Variants in ARHGEF38 observed in about 807,000 individuals in gnomAD.
ARHGEF38 encodes the protein Rho guanine nucleotide exchange factor (GEF) 38.
Under a neutral mutation model 79.9 loss-of-function variants are expected in ARHGEF38, and 79 were observed. That is an observed-to-expected ratio of 0.99 (90% confidence interval 0.82 to 1.19). The LOEUF (loss-of-function observed/expected upper bound fraction) is 1.19, where lower values mean the gene tolerates loss of function less well. Among genes scored for constraint, ARHGEF38 ranks in the 50% most tolerant of loss-of-function variants. ARHGEF38 has a pLI of 0.00. For missense variants in ARHGEF38, 962 were observed against 907.2 expected (o/e 1.06, Z -0.78); for synonymous variants, 366 against 328.3 (o/e 1.11, Z -1.24).
chr4:105,642,188 T>C (rs1729646243), intron 5 of ARHGEF38, among the ~76,000 whole-genome samples: 1 of 152,078 alleles, frequency 6.6e-6, no homozygotes, highest in Non-Finnish European at 1.5e-5. Context: ...GCATGGAGTA[T>C]TATTATCTTA....
intron 1 of ARHGEF38, among the ~76,000 whole-genome samples, chr4:105,563,687 T>A (rs1162317045): frequency 6.6e-6 from 1 of 152,146 alleles, no homozygotes; most frequent in African/African-American, 2.4e-5. Context: ...TAGTAGTACC[T>A]GTTTTATGGT....
chr4:105,578,355 T>C (rs748432243), intron 1 of ARHGEF38, among the ~76,000 whole-genome samples: 1 of 152,212 alleles, frequency 6.6e-6, no homozygotes, highest in Non-Finnish European at 1.5e-5. Context: ...ATGGTCTGTC[T>C]TGGAGGATGT....
intron 1 of ARHGEF38, among the ~76,000 whole-genome samples, chr4:105,571,516 T>A (rs1047079797): frequency 2.6e-5 from 4 of 151,924 alleles, no homozygotes; most frequent in Admixed American, 2.6e-4. Flanking sequence ...TAAAGACGGG[T>A]TTCACTGTGT....
intron 5 of ARHGEF38, among the ~76,000 whole-genome samples, chr4:105,637,822 C>A (rs1021309896): frequency 6.6e-6 from 1 of 152,160 alleles, no homozygotes; most frequent in African/African-American, 2.4e-5. Context: ...AATACTTAAA[C>A]AGTTCATTGT....
At chr4:105,641,669 T>A (rs973773159) in intron 5 of ARHGEF38, among the ~76,000 whole-genome samples, 4 of 152,036 alleles carry the variant, frequency 2.6e-5, no homozygotes, top group Admixed American at 1.3e-4. Context: ...TTCTTTTTTT[T>A]ATGTATTTTT....
intron 3 of ARHGEF38, among the ~76,000 whole-genome samples, chr4:105,623,720 T>C (rs1352384468): frequency 6.6e-6 from 1 of 152,198 alleles, no homozygotes; most frequent in Non-Finnish European, 1.5e-5. Context: ...ATCTATTCCA[T>C]TACTGAGACA....
intron 2 of ARHGEF38, among the ~76,000 whole-genome samples, chr4:105,600,744 C>G (rs1015404474): frequency 1.3e-5 from 2 of 152,152 alleles, no homozygotes. Context: ...TCCTAATTTC[C>G]TCTTTAAAAC....
chr4:105,668,099 G>T (rs761797681), intron 13 of ARHGEF38, among the ~76,000 whole-genome samples: 1 of 151,966 alleles, frequency 6.6e-6, no homozygotes, highest in Non-Finnish European at 1.5e-5. Flanking sequence ...TCCTCTAAGA[G>T]CATAATCTTC....
intron 1 of ARHGEF38, among the ~76,000 whole-genome samples, chr4:105,556,528 T>G (rs1208095023): frequency 6.6e-6 from 1 of 152,088 alleles, no homozygotes; most frequent in Non-Finnish European, 1.5e-5. Flanking sequence ...AAGGTACAGG[T>G]AAGAGAATGG....
intron 3 of ARHGEF38, among the ~76,000 whole-genome samples, chr4:105,625,286 A>T (rs1301424278): frequency 6.6e-6 from 1 of 152,220 alleles, no homozygotes; most frequent in Non-Finnish European, 1.5e-5. Flanking sequence ...ACTCATCAGG[A>T]TTTCTCCCAA....
chr4:105,582,345 C>T, intron 1 of ARHGEF38, among the ~76,000 whole-genome samples: 1 of 149,354 alleles, frequency 6.7e-6, no homozygotes. Context: ...ATCATTTTCA[C>T]TCTTGCTTCT....
chr4:105,625,293 C>T (rs1355388119), intron 3 of ARHGEF38, among the ~76,000 whole-genome samples: 1 of 152,016 alleles, frequency 6.6e-6, no homozygotes, highest in Non-Finnish European at 1.5e-5. Flanking sequence ...AGGATTTCTC[C>T]CAAAATATTT....
At chr4:105,634,084 TAC>T (rs1266114587) in intron 4 of ARHGEF38, among the ~76,000 whole-genome samples, 1 of 152,182 alleles carries the variant, frequency 6.6e-6, no homozygotes, top group Admixed American at 6.5e-5. Context: ...GTATTAAAAG[TAC>T]AGATTCCTAT....
At chr4:105,627,210 A>G (rs1728983583) in intron 3 of ARHGEF38, among the ~76,000 whole-genome samples, 1 of 152,130 alleles carries the variant, frequency 6.6e-6, no homozygotes, top group South Asian at 2.1e-4. Flanking sequence ...GAACTAAGGA[A>G]CACAACTGCT....
chr4:105,606,275 A>T (rs1405921967), intron 2 of ARHGEF38, among the ~76,000 whole-genome samples: 1 of 152,272 alleles, frequency 6.6e-6, no homozygotes, highest in Non-Finnish European at 1.5e-5. Flanking sequence ...CAATTTCCAG[A>T]GGATGATTTG....
At chr4:105,563,193 T>C (rs572495101) in intron 1 of ARHGEF38, 2 of 151,834 alleles carry the variant, frequency 1.3e-5, no homozygotes, top group East Asian at 3.9e-4. Flanking sequence ...TTATTATTAT[T>C]AGAGACACAA....
chr4:105,676,772 G>A (rs1454415885), intron 13 of ARHGEF38, among the ~76,000 whole-genome samples: 5 of 151,926 alleles, frequency 3.3e-5, no homozygotes, highest in African/African-American at 1.2e-4. Flanking sequence ...CATTATAAAG[G>A]TTTGGGAAAT....
At chr4:105,632,737 A>C (rs143723955) in intron 4 of ARHGEF38, 1 of 152,332 alleles carries the variant, frequency 6.6e-6, no homozygotes, top group East Asian at 1.9e-4. Context: ...CTTTGATCAA[A>C]CCCCACCCAA....
chr4:105,627,792 G>A (rs1047562542), intron 3 of ARHGEF38, among the ~76,000 whole-genome samples: 1 of 152,116 alleles, frequency 6.6e-6, no homozygotes, highest in Non-Finnish European at 1.5e-5. Context: ...AAGAAATGCA[G>A]CCGAGAGTTA....
Sources: gnomAD v4.1 joint callset for allele counts (sites outside exome capture counted in the v4.1 genomes callset) on GRCh38, gnomAD v4.1.1 for gene constraint, MANE v1.5 for transcripts, NCBI Gene and HGNC (gene_info 2026-07-23, HGNC 2026-07-21) for gene names.